MYO18B: variants seen among roughly 807,000 people sequenced by gnomAD.
The protein encoded by MYO18B is myosin XVIIIB, also known as unconventional myosin-XVIIIb.
MYO18B carries 204 observed loss-of-function variants against 273.0 expected under a neutral mutation model. The observed-to-expected ratio is 0.75, with a 90% CI of 0.67 to 0.84. The LOEUF is 0.84. MYO18B is among the 40% of genes least tolerant of loss of function. MYO18B has a pLI of 0.00. For synonymous variants in MYO18B, 1,330 were observed against 1,305.7 expected, an observed-to-expected ratio of 1.02 and a Z score of -0.40; for missense variants, 3,212 against 3,287.6, an observed-to-expected ratio of 0.98 and a Z score of 0.56.
chr22:25,752,888 T>G (rs2085977870), intron 1 of MYO18B, among the ~76,000 whole-genome samples: 2 of 152,040 alleles, frequency 1.3e-5, no homozygotes, highest in South Asian at 4.2e-4. Context: ...GGAGGCTCCG[T>G]ACTCGGAGCG....
intron 21 of MYO18B, among the ~76,000 whole-genome samples, chr22:25,856,476 C>A (rs893906242): frequency 3.3e-5 from 5 of 152,212 alleles, no homozygotes; most frequent in African/African-American, 1.2e-4. Context: ...GTGCTAGGCA[C>A]CAGCAACTTC....
intron 12 of MYO18B, among the ~76,000 whole-genome samples, chr22:25,798,999 TTCCTGCCA>T (rs1403211811): frequency 6.6e-6 from 1 of 152,104 alleles, no homozygotes; most frequent in Non-Finnish European, 1.5e-5. Context: ...TTCCAAGTGG[TTCCTGCCA>T]TCCCCCTAGT....
In MYO18B at chr22:25,918,999, C is replaced by T. The variant is rs2092301928; in HGVS notation, c.5365-2258C>T. Among the ~76,000 whole-genome samples, 4 of 152,280 alleles carry T rather than the reference C, an allele frequency of 2.6e-5. No individual in the cohort carries two copies. The South Asian group carries it at 8.3e-4, about 32-fold the overall frequency. ...CATTTGCTCTTTCATATCAGTTGTT[C>T]CTCCATGTAAGAGCCCTGGATAACC... On this transcript the variant is annotated intron_variant, in intron 33 of 43. Coordinates refer to ENST00000335473, the MANE Select transcript of MYO18B (RefSeq NM_032608.7).
intron 15 of MYO18B, among the ~76,000 whole-genome samples, chr22:25,831,744 C>A (rs755851117): frequency 1.3e-5 from 2 of 152,130 alleles, no homozygotes. Flanking sequence ...CTTCCAGCAC[C>A]GAACACTCAG....
intron 21 of MYO18B, among the ~76,000 whole-genome samples, chr22:25,852,641 C>T (rs1416323123): frequency 2.6e-5 from 4 of 152,222 alleles, no homozygotes; most frequent in Non-Finnish European, 5.9e-5. Context: ...TATTACACTC[C>T]ATTTACAAAA....
intron 22 of MYO18B, among the ~76,000 whole-genome samples, chr22:25,869,864 G>C (rs780736971): frequency 1.3e-5 from 2 of 152,128 alleles, no homozygotes; most frequent in Non-Finnish European, 2.9e-5. Context: ...CTGTTATTCC[G>C]CTGTGATCTC....
At chr22:25,794,319 G>A (rs761470269) in intron 11 of MYO18B, among the ~76,000 whole-genome samples, 9 of 151,772 alleles carry the variant, frequency 5.9e-5, no homozygotes, top group African/African-American at 1.2e-4. Context: ...CAATCGTCCC[G>A]CCTCAGCTTC....
chr22:25,958,339 G>C (rs901038912), intron 39 of MYO18B, among the ~76,000 whole-genome samples: 2 of 152,144 alleles, frequency 1.3e-5, no homozygotes, highest in Non-Finnish European at 2.9e-5. Flanking sequence ...GCATTCTGAA[G>C]TTATCCAGTA....
chr22:25,913,344 C>T (rs1328627554), intron 33 of MYO18B, among the ~76,000 whole-genome samples: 1 of 148,700 alleles, frequency 6.7e-6, no homozygotes, highest in Non-Finnish European at 1.5e-5. Flanking sequence ...GCATTTTTCA[C>T]ATGTTGATTG....
chr22:25,824,446 T>A (rs1223844114), intron 13 of MYO18B, among the ~76,000 whole-genome samples: 1 of 151,920 alleles, frequency 6.6e-6, no homozygotes, highest in Non-Finnish European at 1.5e-5. Context: ...TGAACTGCCG[T>A]GGGGGAAAAA....
chr22:25,901,641 T>C (rs1601524537), intron 29 of MYO18B: 1 of 152,222 alleles, frequency 6.6e-6, no homozygotes, highest in Middle Eastern at 3.4e-3. Context: ...TATGAGAGTA[T>C]AAGCCAGACA....
chr22:25,893,161 C>T lies in MYO18B; in HGVS notation c.4543+1749C>T, dbSNP rs186826851. ...CAGTAAAACATTTTAATCATATCATCGCAGTGGTACCACAACCACCTCTAT... is the reference window on the plus strand; with the variant it reads ...CAGTAAAACATTTTAATCATATCATTGCAGTGGTACCACAACCACCTCTAT... On this transcript the variant is annotated intron_variant, in intron 27 of 43. Transcript: ENST00000335473. 1.1e-3 allele frequency among the ~76,000 whole-genome samples: 162 copies of T among 152,290 alleles called. 1 individual carries two copies. Among genetic ancestry groups the T allele is most frequent in the African/African-American group, 3.7e-3 (153 of 41,554 alleles).
At chr22:25,988,143 T>C (rs1055113402) in intron 39 of MYO18B, among the ~76,000 whole-genome samples, 2 of 151,710 alleles carry the variant, frequency 1.3e-5, no homozygotes, top group African/African-American at 4.8e-5. Flanking sequence ...CTGGCTCACT[T>C]CCCCTTCTGC....
chr22:25,997,015 T>C (rs2009111), intron 40 of MYO18B, among the ~76,000 whole-genome samples: 27,521 of 152,070 alleles, frequency 0.18, 3,277 homozygotes, highest in Non-Finnish European at 0.27. Flanking sequence ...TTTGTAGGGT[T>C]CAGTGTGAAG....
chr22:25,911,100 T>C (rs986900272), intron 33 of MYO18B, 50 bp downstream of exon 33: 1 of 1,356,452 alleles, frequency 7.4e-7, no homozygotes. Flanking sequence ...CAGGGACCTA[T>C]TTGAGAGATG....
At chr22:26,034,943 G>A (rs1936750007), downstream of MYO18B, among the ~76,000 whole-genome samples, 1 of 152,206 alleles carries the variant, frequency 6.6e-6, no homozygotes, top group Non-Finnish European at 1.5e-5. Flanking sequence ...GCTAAGAATG[G>A]GATAGGCAAA....
intron 25 of MYO18B, among the ~76,000 whole-genome samples, chr22:25,887,186 G>C (rs2146258171): frequency 6.6e-6 from 1 of 152,256 alleles, no homozygotes; most frequent in East Asian, 1.9e-4. Flanking sequence ...TGGTTTGTTT[G>C]TCTCTCTGAC....
At chr22:25,925,762 C>T (rs959186788) in intron 34 of MYO18B, among the ~76,000 whole-genome samples, 9 of 151,032 alleles carry the variant, frequency 6.0e-5, no homozygotes, top group South Asian at 2.1e-4. Context: ...AAAATTAGCC[C>T]GGTGTGGTGG....
At chr22:25,857,685 G>A (rs940943279) in intron 21 of MYO18B, among the ~76,000 whole-genome samples, 30 of 152,230 alleles carry the variant, frequency 2.0e-4, no homozygotes, top group African/African-American at 6.5e-4. Context: ...ACAGAGTCTC[G>A]CTCTGTTGCC....
Sources: gnomAD v4.1 joint callset for allele counts (sites outside exome capture counted in the v4.1 genomes callset) on GRCh38, gnomAD v4.1.1 for gene constraint, MANE v1.5 for transcripts, NCBI Gene and HGNC (gene_info 2026-07-23, HGNC 2026-07-21) for gene names.